Variants in SETD3 observed in about 807,000 individuals in gnomAD.
SETD3 encodes actin-histidine N-methyltransferase.
In SETD3, 19 loss-of-function variants were observed where a neutral mutation model predicts 63.0. That is an observed-to-expected ratio of 0.30 (90% confidence interval 0.21 to 0.44). The LOEUF (loss-of-function observed/expected upper bound fraction) is 0.44, where lower values mean the gene tolerates loss of function less well. SETD3 is among the 20% of genes least tolerant of loss of function. The pLI is 1.00. For missense variants in SETD3, 587 were observed against 728.5 expected (o/e 0.81, Z 2.24); for synonymous variants, 286 against 264.1 (o/e 1.08, Z -0.80).
rs372227806 is a variant in SETD3, at chr14:99,405,220, C to T, written c.1076G>A (p.Arg359His). The T allele has an allele frequency of 1.4e-5, 22 of 1,612,410 alleles. No individual in the cohort carries two copies. Among genetic ancestry groups the T allele is most frequent in the Non-Finnish European group, 1.7e-5 (20 of 1,179,550 alleles). ...TTCTACGTACGTGGGGATGCCGGCA[C>T]GAGCCAAGACCTCGGCCTTCATGGC... ...LYAMKAEVLA[R>H]AGIPTSSVFA... Residue 359 changes from arginine (R) to histidine (H), a missense_variant, in exon 10 of 13, where the codon CGT becomes CAT. By Grantham distance (29) the Arg-to-His change is conservative (BLOSUM62 0). Transcript: ENST00000331768.
intron 11 of SETD3, 91 bp downstream of exon 11, chr14:99,404,134 C>A: frequency 2.1e-6 from 2 of 964,870 alleles, no homozygotes; most frequent in East Asian, 2.7e-5. Flanking sequence ...AGTTTTAATC[C>A]ACTTTACCTT....
At chr14:99,458,137 G>A in intron 6 of SETD3, 142 bp downstream of exon 6, 1 of 1,001,472 alleles carries the variant, frequency 1.0e-6, no homozygotes, top group East Asian at 2.7e-5. Flanking sequence ...AACAAACGAT[G>A]AAATGTATTT....
intron 11 of SETD3, among the ~76,000 whole-genome samples, chr14:99,403,455 A>ACTCTCTCTCTCTCT (rs55804663): frequency 1.3e-3 from 171 of 135,500 alleles, no homozygotes; most frequent in African/African-American, 4.0e-3. Flanking sequence ...ACACACACAC[A>ACTCTCTCTCTCTCT]CTCTCTCTCT....
At chr14:99,427,974 C>G (rs1261296627) in intron 6 of SETD3, among the ~76,000 whole-genome samples, 9 of 152,122 alleles carry the variant, frequency 5.9e-5, no homozygotes, top group Non-Finnish European at 2.9e-5. Context: ...ACAGAGAGTA[C>G]CGGAAATGGC....
At chr14:99,451,681 A>G (rs1434814016) in intron 6 of SETD3, among the ~76,000 whole-genome samples, 1 of 151,542 alleles carries the variant, frequency 6.6e-6, no homozygotes, top group Non-Finnish European at 1.5e-5. Context: ...TATTTTTTGT[A>G]TTTTTAGTAG....
chr14:99,454,046 G>A (rs912611661), intron 6 of SETD3, among the ~76,000 whole-genome samples: 1 of 152,104 alleles, frequency 6.6e-6, no homozygotes, highest in African/African-American at 2.4e-5. Context: ...GAGAAAGCAG[G>A]GTTGTTTTCC....
chr14:99,445,489 G>A (rs1001393958), intron 6 of SETD3, among the ~76,000 whole-genome samples: 2 of 152,190 alleles, frequency 1.3e-5, no homozygotes, highest in Non-Finnish European at 2.9e-5. Flanking sequence ...GTCCTGGAGG[G>A]TCCTCTAACC....
At chr14:99,422,574 C>T (rs1892648103) in intron 6 of SETD3, among the ~76,000 whole-genome samples, 1 of 152,138 alleles carries the variant, frequency 6.6e-6, no homozygotes, top group Admixed American at 6.5e-5. Context: ...TGTTGGGGTT[C>T]TAACAAAGAC....
At chr14:99,474,871 C>T (rs542374178) in intron 1 of SETD3, among the ~76,000 whole-genome samples, 8 of 110,362 alleles carry the variant, frequency 7.2e-5, no homozygotes, top group African/African-American at 9.8e-5. Flanking sequence ...TGTTGCTTTT[C>T]GCAATTTTTT....
intron 1 of SETD3, among the ~76,000 whole-genome samples, chr14:99,477,135 A>G (rs1896013457): frequency 1.3e-5 from 2 of 152,156 alleles, no homozygotes; most frequent in South Asian, 4.1e-4. Context: ...ATTGTCAACC[A>G]AGACTGTTTG....
chr14:99,417,791 T>TAA (rs1892361886), intron 6 of SETD3, among the ~76,000 whole-genome samples: 1 of 152,218 alleles, frequency 6.6e-6, no homozygotes, highest in African/African-American at 2.4e-5. Context: ...TTCAAACATT[T>TAA]AACAATAAGC....
At chr14:99,451,664 G>C (rs1894471937) in intron 6 of SETD3, among the ~76,000 whole-genome samples, 1 of 151,608 alleles carries the variant, frequency 6.6e-6, no homozygotes, top group Admixed American at 6.6e-5. Context: ...GTGCCACCAT[G>C]CCTAGCTATT....
chr14:99,444,467 A>AC (rs1894015492), intron 6 of SETD3: 1 of 152,200 alleles, frequency 6.6e-6, no homozygotes. Flanking sequence ...TCATAGTTTC[A>AC]GATAGCGAGG....
chr14:99,469,147 C>T (rs973222688), intron 1 of SETD3, among the ~76,000 whole-genome samples: 2 of 152,212 alleles, frequency 1.3e-5, no homozygotes, highest in African/African-American at 4.8e-5. Flanking sequence ...TCCAATTGTT[C>T]TCAAGATTTC....
intron 6 of SETD3, among the ~76,000 whole-genome samples, chr14:99,443,312 T>G (rs1421192343): frequency 7.1e-6 from 1 of 141,270 alleles, no homozygotes. Context: ...CCAGCTGGAG[T>G]GCAGTGGCAC....
intron 1 of SETD3, among the ~76,000 whole-genome samples, chr14:99,470,309 T>C (rs2139808152): frequency 6.6e-6 from 1 of 152,358 alleles, no homozygotes; most frequent in South Asian, 2.1e-4. Flanking sequence ...TCAAGGTTAT[T>C]ACAGATGCTA....
chr14:99,412,844 G>C, intron 8 of SETD3, 107 bp downstream of exon 8: 1 of 767,542 alleles, frequency 1.3e-6, no homozygotes. Flanking sequence ...CTTTTGGAGG[G>C]AGGCAACGGG....
At chr14:99,399,960 T>C (rs2139604201) in intron 12 of SETD3, 139 bp downstream of exon 12, 2 of 659,716 alleles carry the variant, frequency 3.0e-6, no homozygotes, top group Non-Finnish European at 5.0e-6. Context: ...CAGGCTGGTC[T>C]TGAATTTCTG....
intron 6 of SETD3, among the ~76,000 whole-genome samples, chr14:99,452,847 C>A (rs8015099): frequency 6.6e-6 from 1 of 152,194 alleles, no homozygotes; most frequent in Non-Finnish European, 1.5e-5. Flanking sequence ...AGGCAGATCG[C>A]GGGGGGAGAA....
Sources: gnomAD v4.1 joint callset for allele counts (sites outside exome capture counted in the v4.1 genomes callset) on GRCh38, gnomAD v4.1.1 for gene constraint, MANE v1.5 for transcripts, NCBI Gene and HGNC (gene_info 2026-07-23, HGNC 2026-07-21) for gene names.